VPS54: variants seen among roughly 807,000 people sequenced by gnomAD.
The protein encoded by VPS54 is VPS54 subunit of GARP complex.
Under a neutral mutation model 121.5 loss-of-function variants are expected in VPS54, and 45 were observed. The observed-to-expected ratio is 0.37, with a 90% CI of 0.29 to 0.47. The LOEUF (loss-of-function observed/expected upper bound fraction) is 0.47. Ranked by LOEUF, VPS54 falls within the 20% of genes least tolerant of loss-of-function variation. VPS54 has a pLI of 0.99. For synonymous variants in VPS54, 371 were observed against 385.8 expected (o/e 0.96, Z 0.45); for missense variants, 1,090 against 1,131.4 (o/e 0.96, Z 0.52).
rs116284333 is a variant in VPS54, at chr2:63,990,370, C to T, written c.-20-6351G>A. Reference sequence around the variant, plus strand: ...GGACCATATACGCTAATTCTTCTCTCTTCAAACCTCCGGAGTCACCTAATG... The same window carrying T: ...GGACCATATACGCTAATTCTTCTCTTTTCAAACCTCCGGAGTCACCTAATG... On this transcript the variant is annotated intron_variant, in intron 1 of 22. Transcript: ENST00000272322. Among the ~76,000 whole-genome samples, 1,269 of 152,264 alleles carry T rather than the reference C, an allele frequency of 8.3e-3. 27 individuals are homozygous for T. The highest frequency in any genetic ancestry group is 0.029 in the African/African-American group (1,219 of 41,538).
Position 63,914,294 on chromosome 2 carries a change from G to A in VPS54, c.2229-7C>T, listed in dbSNP as rs1198672572. 1.9e-6 allele frequency: 3 copies of A among 1,582,778 alleles called. No homozygotes were observed. Among genetic ancestry groups the A allele is most frequent in the Non-Finnish European group, 1.7e-6 (2 of 1,163,422 alleles). ...TATTAACAGCAATACGGTTCTACAA[G>A]AAAAGAAAAATGGCCCAATAGGAAA... On this transcript the variant is annotated splice_region_variant and splice_polypyrimidine_tract_variant and intron_variant, in intron 16 of 22. Coordinates refer to ENST00000272322, the MANE Select transcript of VPS54 (RefSeq NM_016516.3).
intron 1 of VPS54, among the ~76,000 whole-genome samples, chr2:64,004,184 G>GA (rs921818612): frequency 6.0e-5 from 9 of 149,950 alleles, no homozygotes; most frequent in Admixed American, 2.0e-4. Context: ...ACTTAAGGGA[G>GA]AAAAAAAAAG....
At chr2:63,912,459 C>T in intron 19 of VPS54, 34 bp from the exon 20 acceptor site, 2 of 1,608,970 alleles carry the variant, frequency 1.2e-6, no homozygotes, top group Non-Finnish European at 1.7e-6. Flanking sequence ...ATTTTTAAGT[C>T]CCTGGGACAC....
chr2:63,989,833 T>C (rs1433882472), intron 1 of VPS54, among the ~76,000 whole-genome samples: 1 of 152,222 alleles, frequency 6.6e-6, no homozygotes, highest in Admixed American at 6.5e-5. Context: ...AATACTGTCC[T>C]TGGTTTCCTA....
Position 63,893,177 on chromosome 2 carries a change from CTG to C in VPS54, c.*251_*252del. ...GGATTTGGTCCAAAGAAACCTGAGT[CTG>C]TTTCCAGAGAGAATGAAAAATGTTA... On this transcript the variant is annotated 3_prime_UTR_variant, in exon 23 of 23. Coordinates refer to ENST00000272322, the MANE Select transcript of VPS54 (RefSeq NM_016516.3). The C allele has an allele frequency of 1.9e-6, 1 of 524,134 alleles. No homozygotes were observed. 32.5% of individuals were successfully genotyped at this position (524,134 alleles called of 1,614,324 possible).
chr2:63,947,618 C>G (rs925321600), intron 8 of VPS54, 128 bp from the exon 9 acceptor site: 1 of 845,400 alleles, frequency 1.2e-6, no homozygotes, highest in African/African-American at 1.7e-5. Flanking sequence ...TATTTTCTAG[C>G]AGCCTGAAAA....
chr2:63,907,589 A>T (rs1461298233), intron 20 of VPS54, among the ~76,000 whole-genome samples: 1 of 152,082 alleles, frequency 6.6e-6, no homozygotes, highest in East Asian at 1.9e-4. Context: ...GAAAATAAAT[A>T]AATAAACTGA....
chr2:63,989,661 C>A (rs1372964980), intron 1 of VPS54, among the ~76,000 whole-genome samples: 3 of 152,164 alleles, frequency 2.0e-5, no homozygotes, highest in Non-Finnish European at 1.5e-5. Context: ...TTGTTCGACT[C>A]CCTGACAACT....
At chr2:63,924,057 T>G (rs1218826655) in intron 12 of VPS54, among the ~76,000 whole-genome samples, 1 of 152,130 alleles carries the variant, frequency 6.6e-6, no homozygotes, top group African/African-American at 2.4e-5. Flanking sequence ...CTTCATGCTG[T>G]AGGAGGATGC....
At chr2:63,944,486 C>A in intron 10 of VPS54, 114 bp downstream of exon 10, 1 of 992,368 alleles carries the variant, frequency 1.0e-6, no homozygotes, top group Non-Finnish European at 1.5e-6. Flanking sequence ...TTTCCTACAC[C>A]CTGCTCACAC....
intron 10 of VPS54, among the ~76,000 whole-genome samples, chr2:63,943,592 A>G (rs544565667): frequency 6.6e-6 from 1 of 152,244 alleles, no homozygotes. Context: ...ACAGTCGTAC[A>G]TATTGCTAGT....
intron 13 of VPS54, 137 bp from the exon 14 acceptor site, chr2:63,920,764 G>C: frequency 2.2e-6 from 1 of 463,404 alleles, no homozygotes; most frequent in Non-Finnish European, 3.2e-6. Context: ...CCCAGAAATT[G>C]AGCATGAAAT....
intron 7 of VPS54, among the ~76,000 whole-genome samples, chr2:63,961,470 C>A (rs773477744): frequency 1.3e-5 from 2 of 152,104 alleles, no homozygotes; most frequent in African/African-American, 2.4e-5. Flanking sequence ...AAGGATACTG[C>A]AAGCCTGCTT....
intron 15 of VPS54, among the ~76,000 whole-genome samples, chr2:63,918,457 T>C (rs1014987713): frequency 7.3e-6 from 1 of 137,700 alleles, no homozygotes; most frequent in Non-Finnish European, 1.6e-5. Context: ...AGTCTTATAA[T>C]TTTAAACTAG....
chr2:63,970,082 T>C (rs1676194162), intron 4 of VPS54, among the ~76,000 whole-genome samples: 1 of 151,632 alleles, frequency 6.6e-6, no homozygotes, highest in Non-Finnish European at 1.5e-5. Context: ...CATTCCCTCC[T>C]GCCTCTGCTG....
chr2:64,000,100 T>C (rs1677800397), intron 1 of VPS54, among the ~76,000 whole-genome samples: 1 of 152,050 alleles, frequency 6.6e-6, no homozygotes, highest in East Asian at 1.9e-4. Context: ...GACCTCATGA[T>C]CCACCCTCCT....
chr2:63,943,436 T>C (rs944444172), intron 10 of VPS54, among the ~76,000 whole-genome samples: 2 of 152,196 alleles, frequency 1.3e-5, no homozygotes, highest in African/African-American at 4.8e-5. Flanking sequence ...GAGCTTCTAA[T>C]AGTGTCCCAA....
intron 10 of VPS54, among the ~76,000 whole-genome samples, chr2:63,943,801 T>C (rs1674850415): frequency 6.6e-6 from 1 of 150,434 alleles, no homozygotes; most frequent in Non-Finnish European, 1.5e-5. Context: ...CATGGCTCAC[T>C]GAAGCCTGGA....
rs1000105195 is a variant in VPS54, at chr2:64,010,106, T to C, written c.-21+8832A>G. 4.3e-4 allele frequency among the ~76,000 whole-genome samples: 65 copies of C among 152,152 alleles called. 1 individual carries two copies. Among genetic ancestry groups the C allele is most frequent in the Non-Finnish European group, 1.0e-4 (7 of 68,036 alleles). On this transcript the variant is annotated intron_variant, in intron 1 of 22. Coordinates refer to ENST00000272322, the MANE Select transcript of VPS54 (RefSeq NM_016516.3). Reference sequence around the variant, plus strand: ...ATTCGCCCACCTCGGCCTCCCAAAGTGCTGGCATTACAGGCGTGAGCCACC... The same window carrying C: ...ATTCGCCCACCTCGGCCTCCCAAAGCGCTGGCATTACAGGCGTGAGCCACC...
Sources: gnomAD v4.1 joint callset for allele counts (sites outside exome capture counted in the v4.1 genomes callset) on GRCh38, gnomAD v4.1.1 for gene constraint, MANE v1.5 for transcripts, NCBI Gene and HGNC (gene_info 2026-07-23, HGNC 2026-07-21) for gene names.